KIAA1328: variants seen among roughly 807,000 people sequenced by gnomAD.
The protein encoded by KIAA1328 is KIAA1328.
KIAA1328 carries 52 observed loss-of-function variants against 68.1 expected under a neutral mutation model. That is an observed-to-expected ratio of 0.76 (90% CI 0.61 to 0.96). The LOEUF (loss-of-function observed/expected upper bound fraction) is 0.96. Ranked by LOEUF, KIAA1328 falls within the 40% of genes least tolerant of loss-of-function variation. The pLI is 0.00. For missense variants in KIAA1328, 641 were observed against 677.6 expected (o/e 0.95, Z 0.60); for synonymous variants, 232 against 239.4 (o/e 0.97, Z 0.28).
intron 7 of KIAA1328, among the ~76,000 whole-genome samples, chr18:37,094,768 A>G (rs561258198): frequency 1.7e-4 from 26 of 152,346 alleles, no homozygotes; most frequent in African/African-American, 4.8e-4. Flanking sequence ...AAATTCCTCA[A>G]TAAGATATAG....
intron 4 of KIAA1328, among the ~76,000 whole-genome samples, chr18:36,873,495 A>G (rs372044484): frequency 6.6e-6 from 1 of 152,120 alleles, no homozygotes. Flanking sequence ...CTGAGATGTG[A>G]CATCTCATCA....
At position 36,864,594 on chromosome 18, in the gene KIAA1328, G is replaced by GTTT. The variant is rs80149272; in HGVS notation, c.332+20306_332+20308dup. On this transcript the variant is annotated intron_variant, in intron 4 of 9. Coordinates refer to ENST00000280020, the MANE Select transcript of KIAA1328 (RefSeq NM_020776.3). ...AATTTTTATATCAAAGTGGTCAGTA[G>GTTT]TTTTTTTTTTTTTTTTGTACTGTCT... is the stretch of plus-strand genomic sequence containing the variant. Among the ~76,000 whole-genome samples the GTTT allele has an allele frequency of 1.7e-4, 22 of 129,828 alleles. 1 individual carries two copies. Among genetic ancestry groups the GTTT allele is most frequent in the African/African-American group, 4.4e-4 (15 of 33,766 alleles). 85.2% of individuals were successfully genotyped at this position (129,828 alleles called of 152,430 possible).
chr18:37,071,057 C>G (rs1200370413), intron 7 of KIAA1328, among the ~76,000 whole-genome samples: 4 of 86,846 alleles, frequency 4.6e-5, no homozygotes, highest in African/African-American at 9.2e-5. Flanking sequence ...TTTTTTCTTC[C>G]TTTTTTTTTT....
At chr18:37,163,532 T>A (rs2059325611) in intron 8 of KIAA1328, among the ~76,000 whole-genome samples, 1 of 152,104 alleles carries the variant, frequency 6.6e-6, no homozygotes, top group Non-Finnish European at 1.5e-5. Flanking sequence ...CTGGTTGAGG[T>A]CCCCTAGTAA....
At chr18:36,899,416 A>G (rs1368626124) in intron 5 of KIAA1328, among the ~76,000 whole-genome samples, 1 of 151,882 alleles carries the variant, frequency 6.6e-6, no homozygotes, top group Non-Finnish European at 1.5e-5. Context: ...TTGATCAGAA[A>G]AGATCTGACT....
intron 7 of KIAA1328, among the ~76,000 whole-genome samples, chr18:37,128,071 C>A (rs975488115): frequency 3.3e-5 from 5 of 151,976 alleles, no homozygotes; most frequent in Admixed American, 3.3e-4. Context: ...ATATTTAACT[C>A]ACACTTAAAT....
intron 4 of KIAA1328, among the ~76,000 whole-genome samples, chr18:36,853,151 C>G (rs1453204690): frequency 6.6e-6 from 1 of 152,162 alleles, no homozygotes; most frequent in South Asian, 2.1e-4. Context: ...ATTTTTCCAC[C>G]TTTTAACTTT....
At chr18:37,093,644 A>G (rs1279086122) in intron 7 of KIAA1328, among the ~76,000 whole-genome samples, 3 of 152,226 alleles carry the variant, frequency 2.0e-5, no homozygotes, top group Non-Finnish European at 2.9e-5. Context: ...TATGTGATGT[A>G]TAGGGCCACA....
At chr18:37,225,543 C>T (rs959007565), downstream of KIAA1328, among the ~76,000 whole-genome samples, 1 of 152,208 alleles carries the variant, frequency 6.6e-6, no homozygotes, top group African/African-American at 2.4e-5. Context: ...TCACTCACAT[C>T]ACGTGAACAC....
chr18:36,956,486 T>C (rs1223145313), intron 5 of KIAA1328, among the ~76,000 whole-genome samples: 1 of 149,824 alleles, frequency 6.7e-6, no homozygotes, highest in Non-Finnish European at 1.5e-5. Context: ...TTTCCTAACA[T>C]AAATCTTTCT....
chr18:37,224,650 T>C lies in KIAA1328; in HGVS notation c.*2423T>C. The C allele has an allele frequency of 1.0e-6, 1 of 985,442 alleles. No individual in the cohort carries two copies. Among genetic ancestry groups the C allele is most frequent in the Non-Finnish European group, 1.2e-6 (1 of 829,924 alleles). The allele number at this position is 985,442 out of a possible 1,614,324, so 61.0% of individuals were successfully genotyped here. On this transcript the variant is annotated 3_prime_UTR_variant, in exon 10 of 10. Coordinates refer to ENST00000280020, the MANE Select transcript of KIAA1328 (RefSeq NM_020776.3). ...AAAGGTTGTTACAGAGCCTCAAAGC[T>C]GTTGCAGACTATCCCAAGAGAAAGG...
At chr18:36,922,550 G>T (rs2049966335) in intron 5 of KIAA1328, among the ~76,000 whole-genome samples, 1 of 152,084 alleles carries the variant, frequency 6.6e-6, no homozygotes, top group Non-Finnish European at 1.5e-5. Context: ...TGCCACAGGG[G>T]TTTGTGTGGT....
intron 7 of KIAA1328, among the ~76,000 whole-genome samples, chr18:37,117,145 G>A (rs1387664123): frequency 6.6e-6 from 1 of 151,858 alleles, no homozygotes; most frequent in East Asian, 1.9e-4. Flanking sequence ...ATTTGACCCG[G>A]CCATCCCAAG....
intron 3 of KIAA1328, 56 bp downstream of exon 3, chr18:36,835,432 A>G: frequency 6.6e-7 from 1 of 1,505,414 alleles, no homozygotes; most frequent in Non-Finnish European, 9.0e-7. Context: ...ATGAGTGCTG[A>G]CCAAAAAGGG....
intron 8 of KIAA1328, among the ~76,000 whole-genome samples, chr18:37,160,948 ATT>A (rs2059266490): frequency 1.3e-5 from 2 of 152,282 alleles, no homozygotes; most frequent in South Asian, 4.1e-4. Flanking sequence ...AAGCAAATTT[ATT>A]TGTTTCCCAG....
intron 6 of KIAA1328, among the ~76,000 whole-genome samples, chr18:37,035,845 T>C (rs950557982): frequency 6.6e-6 from 1 of 152,222 alleles, no homozygotes; most frequent in African/African-American, 2.4e-5. Flanking sequence ...TGAAATGTAC[T>C]AAAGTGAGAC....
intron 6 of KIAA1328, among the ~76,000 whole-genome samples, chr18:36,979,647 C>A (rs927438854): frequency 7.2e-5 from 11 of 152,118 alleles, no homozygotes; most frequent in African/African-American, 2.7e-4. Flanking sequence ...AGTGAGGATT[C>A]CCACTACATG....
chr18:37,190,195 G>A (rs1357013333), intron 9 of KIAA1328, among the ~76,000 whole-genome samples: 2 of 152,096 alleles, frequency 1.3e-5, no homozygotes, highest in African/African-American at 4.8e-5. Flanking sequence ...GGGAGAAACC[G>A]TAGTTGGTCC....
intron 7 of KIAA1328, among the ~76,000 whole-genome samples, chr18:37,138,976 A>G (rs2058706823): frequency 2.6e-5 from 1 of 38,426 alleles, no homozygotes; most frequent in Admixed American, 3.6e-4. Flanking sequence ...TTTTTTTTTG[A>G]GACGAAGTCT....
Sources: gnomAD v4.1 joint callset for allele counts (sites outside exome capture counted in the v4.1 genomes callset) on GRCh38, gnomAD v4.1.1 for gene constraint, MANE v1.5 for transcripts, NCBI Gene and HGNC (gene_info 2026-07-23, HGNC 2026-07-21) for gene names.